PRKG2: variants seen among roughly 807,000 people sequenced by gnomAD.
The protein encoded by PRKG2 is protein kinase cGMP-dependent 2.
Under a neutral mutation model 97.2 loss-of-function variants are expected in PRKG2, and 33 were observed. That is an observed-to-expected ratio of 0.34 (90% CI 0.26 to 0.45). PRKG2 has a LOEUF of 0.45. Ranked by LOEUF, PRKG2 falls within the 20% of genes least tolerant of loss-of-function variation. PRKG2 has a pLI of 1.00. For synonymous variants in PRKG2, 330 were observed against 321.8 expected (o/e 1.03, Z -0.27); for missense variants, 638 against 900.0 (o/e 0.71, Z 3.73).
At chr4:81,099,122 A>C (rs556048106) in intron 17 of PRKG2, among the ~76,000 whole-genome samples, 13 of 152,302 alleles carry the variant, frequency 8.5e-5, no homozygotes, top group Non-Finnish European at 4.4e-5. Flanking sequence ...ACTGGTGCCT[A>C]GTTTTAAATT....
At chr4:81,169,255 A>G (rs1391324188) in intron 5 of PRKG2, among the ~76,000 whole-genome samples, 2 of 152,096 alleles carry the variant, frequency 1.3e-5, no homozygotes, top group African/African-American at 4.8e-5. Context: ...TAAAGCAAAT[A>G]AGCATAGTAA....
At chr4:81,142,740 AC>A (rs1405275516) in intron 11 of PRKG2, 53 bp downstream of exon 11, 20 of 1,473,728 alleles carry the variant, frequency 1.4e-5, no homozygotes, top group Non-Finnish European at 1.6e-5. Context: ...GGAATATAAA[AC>A]AAAAAAAAAG....
chr4:81,178,579 G>A (rs1006984653), intron 2 of PRKG2, among the ~76,000 whole-genome samples: 9 of 151,232 alleles, frequency 6.0e-5, no homozygotes, highest in South Asian at 2.1e-4. Context: ...AGCTTGACAC[G>A]CAAAAGATCA....
intron 14 of PRKG2, among the ~76,000 whole-genome samples, chr4:81,119,678 A>ATT (rs201642317): frequency 7.6e-5 from 11 of 144,176 alleles, no homozygotes; most frequent in African/African-American, 2.5e-4. Context: ...ACTGAATTGA[A>ATT]TTTTTTTTTT....
rs997254240 is a variant in PRKG2 at position 81,163,924 on chromosome 4, T to C, written c.912+3237A>G. 1.3e-5 allele frequency among the ~76,000 whole-genome samples: 2 copies of C among 151,906 alleles called. 1 individual carries two copies. The highest frequency in any genetic ancestry group is 2.9e-5 in the Non-Finnish European group (2 of 67,966). ...CACACCTCTGTGCATTATGTGACTATGTACCAAGTGTGTCGGTTAAAAAAT... is the reference window on the plus strand; with the variant it reads ...CACACCTCTGTGCATTATGTGACTACGTACCAAGTGTGTCGGTTAAAAAAT... On this transcript the variant is annotated intron_variant, in intron 6 of 18. Coordinates refer to ENST00000264399, the MANE Select transcript of PRKG2 (RefSeq NM_006259.3).
intron 14 of PRKG2, among the ~76,000 whole-genome samples, chr4:81,117,596 T>C (rs1744671903): frequency 6.6e-6 from 1 of 152,192 alleles, no homozygotes; most frequent in Non-Finnish European, 1.5e-5. Flanking sequence ...AGAAATACGT[T>C]AAAATTCTCT....
chr4:81,142,929 C>A lies in PRKG2; in HGVS notation c.1272G>T (p.Trp424Cys). The A allele has an allele frequency of 1.2e-6, 2 of 1,611,274 alleles. No individual in the cohort carries two copies. Among genetic ancestry groups the A allele is most frequent in the Non-Finnish European group, 1.7e-6 (2 of 1,178,244 alleles). The change falls in exon 11 of 19, where the codon TGG becomes TGT. Residue 424 changes from tryptophan (W) to cysteine (C), a missense_variant. Around this residue, in one of 3 missense-constraint regions of PRKG2, gnomAD observed 304 missense variants for 460.5 expected, o/e 0.66. Coordinates refer to ENST00000264399, the MANE Select transcript of PRKG2 (RefSeq NM_006259.3). ...KRHAKRSMSN[W>C]KLSKALSLEM... ...CCAGAGAGAGTGCTTTGGACAGCTT[C>A]CAGTTAGACATGGACCGCCTGTACA... is the stretch of plus-strand genomic sequence containing the variant.
intron 1 of PRKG2, among the ~76,000 whole-genome samples, chr4:81,206,214 CTATT>C (rs1753638680): frequency 6.6e-6 from 1 of 152,154 alleles, no homozygotes; most frequent in Non-Finnish European, 1.5e-5. Flanking sequence ...TTTAGACTAC[CTATT>C]TAAACTTCAT....
At chr4:81,175,296 G>T (rs1053416838) in intron 2 of PRKG2, 23 of 184,118 alleles carry the variant, frequency 1.2e-4, no homozygotes, top group Admixed American at 1.1e-3. Flanking sequence ...AAATCTCATG[G>T]ATACAAAGGA....
At chr4:81,190,528 CAA>C (rs2110111337) in intron 2 of PRKG2, among the ~76,000 whole-genome samples, 1 of 152,184 alleles carries the variant, frequency 6.6e-6, no homozygotes, top group Non-Finnish European at 1.5e-5. Context: ...TAGGCATGGG[CAA>C]AGACTTCATG....
intron 1 of PRKG2, among the ~76,000 whole-genome samples, chr4:81,209,082 C>T (rs1324535193): frequency 3.3e-5 from 5 of 152,116 alleles, no homozygotes; most frequent in Admixed American, 6.6e-5. Context: ...AGTGGCATTT[C>T]GCTAGAAGAG....
intron 14 of PRKG2, among the ~76,000 whole-genome samples, chr4:81,121,857 TGCCATTATAGGG>T (rs1745102434): frequency 6.6e-6 from 1 of 152,232 alleles, no homozygotes. Flanking sequence ...TAGCATAGTT[TGCCATTATAGGG>T]CTATCAGTAT....
chr4:81,176,593 C>T (rs561913460), intron 2 of PRKG2, among the ~76,000 whole-genome samples: 1 of 152,232 alleles, frequency 6.6e-6, no homozygotes, highest in South Asian at 2.1e-4. Context: ...GTCAGTGTTT[C>T]CTCAATGCCC....
At chr4:81,189,548 G>A (rs183648703) in intron 2 of PRKG2, among the ~76,000 whole-genome samples, 125 of 149,890 alleles carry the variant, frequency 8.3e-4, no homozygotes, top group Non-Finnish European at 1.7e-3. Context: ...ACTCATAGGT[G>A]GGAATTGAAC....
intron 2 of PRKG2, among the ~76,000 whole-genome samples, chr4:81,200,209 G>A (rs909129386): frequency 6.6e-6 from 1 of 152,218 alleles, no homozygotes; most frequent in African/African-American, 2.4e-5. Context: ...GACATGGGCA[G>A]AAATGCTATG....
intron 2 of PRKG2, among the ~76,000 whole-genome samples, chr4:81,180,249 T>A (rs1327918364): frequency 6.6e-6 from 1 of 152,056 alleles, no homozygotes; most frequent in Non-Finnish European, 1.5e-5. Context: ...AAAGAGAAAT[T>A]GAATAATATT....
At chr4:81,095,781 A>G (rs1742051178) in intron 17 of PRKG2, among the ~76,000 whole-genome samples, 1 of 152,222 alleles carries the variant, frequency 6.6e-6, no homozygotes, top group African/African-American at 2.4e-5. Flanking sequence ...AATTTCAAAG[A>G]CTAGAAATAT....
chr4:81,175,438 T>G (rs974749768), intron 2 of PRKG2: 16 of 152,202 alleles, frequency 1.1e-4, no homozygotes, highest in African/African-American at 3.9e-4. Context: ...ACTATTCCTA[T>G]TTTAGGAAGA....
rs58859098 is a variant in PRKG2 at position 81,149,843 on chromosome 4, C to A, written c.1086-891G>T. ...TAGGCAACTTCATCAAAAATGTTAT[C>A]GCACAAAGTGTATTTCCTTTGCCTT... On this transcript the variant is annotated intron_variant, in intron 8 of 18. Transcript: ENST00000264399. Among the ~76,000 whole-genome samples the A allele has an allele frequency of 3.6e-3, 550 of 152,204 alleles. 7 individuals are homozygous for A. Among genetic ancestry groups the A allele is most frequent in the African/African-American group, 0.012 (513 of 41,534 alleles).
Sources: allele counts gnomAD v4.1 joint callset (sites outside exome capture counted in the v4.1 genomes callset), GRCh38; gene constraint gnomAD v4.1.1; regional missense constraint gnomAD v4.1.1; transcripts MANE v1.5; gene names NCBI Gene and HGNC (gene_info 2026-07-23, HGNC 2026-07-21).